Variants in BNC2 observed in about 807,000 individuals in gnomAD.
BNC2 encodes basonuclin zinc finger protein 2, also known as zinc finger protein basonuclin-2.
A neutral mutation model predicts 76.3 loss-of-function variants in BNC2; 20 were observed. The observed-to-expected ratio is 0.26, with a 90% CI of 0.18 to 0.38. The LOEUF is 0.38. BNC2 is among the 10% of genes least tolerant of loss of function. BNC2 has a pLI of 1.00. For synonymous variants in BNC2, 582 were observed against 514.8 expected (o/e 1.13, Z -1.77); for missense variants, 1,382 against 1,399.8 (o/e 0.99, Z 0.20).
chr9:16,831,186 C>T (rs1818570303), intron 1 of BNC2, among the ~76,000 whole-genome samples: 1 of 152,184 alleles, frequency 6.6e-6, no homozygotes, highest in Non-Finnish European at 1.5e-5. Flanking sequence ...ATTATTATTC[C>T]AGTCTAATCT....
At chr9:16,482,491 A>G (rs960296932) in intron 5 of BNC2, among the ~76,000 whole-genome samples, 2 of 152,202 alleles carry the variant, frequency 1.3e-5, no homozygotes, top group East Asian at 3.9e-4. Flanking sequence ...TTGAACAACA[A>G]AAGAAGGAAA....
intron 1 of BNC2, among the ~76,000 whole-genome samples, chr9:16,742,335 A>G (rs1045441224): frequency 1.3e-5 from 2 of 152,202 alleles, no homozygotes; most frequent in Non-Finnish European, 2.9e-5. Context: ...TCCACTCCTT[A>G]TTGCCTGATT....
chr9:16,659,103 T>C (rs1002685110), intron 3 of BNC2, among the ~76,000 whole-genome samples: 3 of 151,398 alleles, frequency 2.0e-5, no homozygotes, highest in African/African-American at 7.3e-5. Context: ...AATGGCTGAA[T>C]GGATGGATAG....
At chr9:16,766,769 G>A (rs1048664633) in intron 1 of BNC2, among the ~76,000 whole-genome samples, 2 of 152,194 alleles carry the variant, frequency 1.3e-5, no homozygotes, top group Admixed American at 6.5e-5. Flanking sequence ...CCAGAAATAA[G>A]TGAAATGAAT....
chr9:16,540,342 C>G (rs1386996312), intron 5 of BNC2, among the ~76,000 whole-genome samples: 3 of 151,920 alleles, frequency 2.0e-5, no homozygotes, highest in African/African-American at 7.3e-5. Flanking sequence ...AGAATAAAAT[C>G]ATTATTTAAA....
At chr9:16,614,988 A>G (rs1820658723) in intron 3 of BNC2, among the ~76,000 whole-genome samples, 1 of 118,522 alleles carries the variant, frequency 8.4e-6, no homozygotes, top group Admixed American at 8.6e-5. Context: ...AAAAAAAAAA[A>G]AAAAAAAAAA....
chr9:16,811,059 A>C (rs1368817087), intron 1 of BNC2, among the ~76,000 whole-genome samples: 3 of 151,966 alleles, frequency 2.0e-5, no homozygotes, highest in African/African-American at 7.3e-5. Context: ...TCTACTAAAA[A>C]TACAAAAAAT....
chr9:16,847,055 G>C (rs945807881), intron 1 of BNC2, among the ~76,000 whole-genome samples: 1 of 152,280 alleles, frequency 6.6e-6, no homozygotes, highest in Middle Eastern at 3.4e-3. Flanking sequence ...ACAATGTCAA[G>C]TTGCTGCATG....
At chr9:16,752,582 C>CA (rs1825252760) in intron 1 of BNC2, among the ~76,000 whole-genome samples, 2 of 152,074 alleles carry the variant, frequency 1.3e-5, no homozygotes, top group Non-Finnish European at 2.9e-5. Flanking sequence ...ACTTGGCAAT[C>CA]ACACATTTTA....
chr9:16,505,750 TCA>T (rs532530340), intron 5 of BNC2, among the ~76,000 whole-genome samples: 16 of 152,266 alleles, frequency 1.1e-4, no homozygotes, highest in Admixed American at 2.6e-4. Flanking sequence ...CATCCATTAA[TCA>T]CAGTGCTAAG....
At chr9:16,443,137 A>C (rs1821164643) in intron 5 of BNC2, among the ~76,000 whole-genome samples, 1 of 152,008 alleles carries the variant, frequency 6.6e-6, no homozygotes, top group Non-Finnish European at 1.5e-5. Flanking sequence ...ACTTATTTTC[A>C]GTCAAGTTTA....
At chr9:16,471,867 C>A (rs79187777) in intron 5 of BNC2, among the ~76,000 whole-genome samples, 5,590 of 152,148 alleles carry the variant, frequency 0.037, 343 homozygotes, top group African/African-American at 0.13. Flanking sequence ...GGGGAGGTAA[C>A]TGAATCATGG....
intron 1 of BNC2, among the ~76,000 whole-genome samples, chr9:16,842,495 G>GCA (rs1227113847): frequency 2.6e-5 from 4 of 152,040 alleles, no homozygotes; most frequent in African/African-American, 9.7e-5. Flanking sequence ...GGAGAATGGA[G>GCA]GATTTACTGT....
At chr9:16,573,643 G>A (rs376488786) in intron 4 of BNC2, among the ~76,000 whole-genome samples, 2 of 152,138 alleles carry the variant, frequency 1.3e-5, no homozygotes, top group African/African-American at 2.4e-5. Context: ...AAGGCAAAGA[G>A]GCCCATGAGG....
intron 5 of BNC2, among the ~76,000 whole-genome samples, chr9:16,528,432 G>C (rs1432249448): frequency 6.6e-6 from 1 of 152,116 alleles, no homozygotes; most frequent in South Asian, 2.1e-4. Flanking sequence ...AGGCTTTTCA[G>C]AACACTGAGT....
At chr9:16,434,756 G>A (rs903718932) in intron 6 of BNC2, 29 of 448,288 alleles carry the variant, frequency 6.5e-5, no homozygotes, top group African/African-American at 4.2e-4. Context: ...CATAGCAAGA[G>A]TGTGATGTCA....
chr9:16,665,428 GGAAAGA>G (rs1822250213), intron 3 of BNC2, among the ~76,000 whole-genome samples: 1 of 95,296 alleles, frequency 1.0e-5, no homozygotes, highest in Non-Finnish European at 2.2e-5. Flanking sequence ...AGGAAAGAAA[GGAAAGA>G]AAAGAAAGAA....
chr9:16,688,741 T>C (rs1351179178), intron 3 of BNC2, among the ~76,000 whole-genome samples: 5 of 152,164 alleles, frequency 3.3e-5, no homozygotes, highest in Non-Finnish European at 2.9e-5. Context: ...CTAAACATTA[T>C]GCCACAGGTT....
intron 1 of BNC2, among the ~76,000 whole-genome samples, chr9:16,827,025 A>T (rs1204495148): frequency 6.6e-6 from 1 of 152,248 alleles, no homozygotes; most frequent in African/African-American, 2.4e-5. Flanking sequence ...CCAGATAACC[A>T]GCAATAAGTG....
Sources: gnomAD v4.1 joint callset for allele counts (sites outside exome capture counted in the v4.1 genomes callset) on GRCh38, gnomAD v4.1.1 for gene constraint, MANE v1.5 for transcripts, NCBI Gene and HGNC (gene_info 2026-07-23, HGNC 2026-07-21) for gene names.